HSP90AA1: variants seen among roughly 807,000 people sequenced by gnomAD.
HSP90AA1 encodes heat shock protein HSP 90-alpha.
In HSP90AA1, 18 loss-of-function variants were observed where a neutral mutation model predicts 73.3. The ratio of observed to expected loss-of-function variants is 0.25; its 90% CI spans 0.17 to 0.36. The LOEUF (loss-of-function observed/expected upper bound fraction) is 0.36, where lower values mean the gene tolerates loss of function less well. Ranked by LOEUF, HSP90AA1 falls within the 10% of genes least tolerant of loss-of-function variation. HSP90AA1 has a pLI of 1.00. For synonymous variants in HSP90AA1, 477 were observed against 296.9 expected (o/e 1.61, Z -6.24); for missense variants, 704 against 874.2 (o/e 0.81, Z 2.45).
upstream of HSP90AA1, among the ~76,000 whole-genome samples, chr14:102,089,071 C>G (rs943154638): frequency 2.6e-5 from 4 of 152,148 alleles, no homozygotes; most frequent in Non-Finnish European, 5.9e-5. Context: ...CAGGCACCCA[C>G]CACTACGCCC....
intron 1 of HSP90AA1, among the ~76,000 whole-genome samples, chr14:102,136,411 A>G (rs2049995054): frequency 6.6e-6 from 1 of 151,232 alleles, no homozygotes; most frequent in East Asian, 2.0e-4. Context: ...TGCTAAAAAT[A>G]CAAAAAAATT....
chr14:102,095,596 G>A (rs924627401), intron 2 of HSP90AA1, among the ~76,000 whole-genome samples: 1 of 152,162 alleles, frequency 6.6e-6, no homozygotes, highest in Non-Finnish European at 1.5e-5. Flanking sequence ...CTTTGGGCAT[G>A]CTCCTGTCTC....
chr14:102,130,027 A>G (rs1205400469), intron 1 of HSP90AA1, among the ~76,000 whole-genome samples: 1 of 150,382 alleles, frequency 6.6e-6, no homozygotes, highest in African/African-American at 2.4e-5. Flanking sequence ...CTGAAGTGCA[A>G]TGGTGTGATC....
chr14:102,129,969 TTTTTG>T (rs1007382274), intron 1 of HSP90AA1, among the ~76,000 whole-genome samples: 3 of 152,020 alleles, frequency 2.0e-5, no homozygotes, highest in African/African-American at 7.2e-5. Flanking sequence ...TGAAATTTTT[TTTTTG>T]TTTTGTTTTG....
At chr14:102,099,207 C>T (rs898542096) in intron 2 of HSP90AA1, among the ~76,000 whole-genome samples, 7 of 152,240 alleles carry the variant, frequency 4.6e-5, no homozygotes, top group African/African-American at 1.7e-4. Context: ...CACTCCAAAG[C>T]ATACAGCATG....
upstream of HSP90AA1, among the ~76,000 whole-genome samples, chr14:102,091,773 T>C (rs755950823): frequency 2.6e-5 from 4 of 151,964 alleles, no homozygotes; most frequent in Non-Finnish European, 5.9e-5. Flanking sequence ...ACCACAGGCA[T>C]GTGCCACCAC....
Position 102,097,322 on chromosome 14 carries a change from T to TAA in HSP90AA1, c.366+4551_366+4552dup, listed in dbSNP as rs5811055. Among the ~76,000 whole-genome samples, 116 of 143,472 alleles carry TAA rather than the reference T, an allele frequency of 8.1e-4. 1 individual carries two copies. Among genetic ancestry groups the TAA allele is most frequent in the East Asian group, 1.4e-3 (7 of 4,954 alleles). 94.1% of individuals were successfully genotyped at this position (143,472 alleles called of 152,430 possible). The stretch of plus-strand genomic sequence containing the variant: ...TTTTAAAGAAGAAAGAATGGAGGGT[T>TAA]AAAAAAAAAAAAAAGGAAAATTTGA... On this transcript the variant is annotated intron_variant, in intron 2 of 11. Transcript: ENST00000334701.
chr14:102,105,860 AG>A (rs1314974905), intron 1 of HSP90AA1, among the ~76,000 whole-genome samples: 1 of 152,184 alleles, frequency 6.6e-6, no homozygotes, highest in Admixed American at 6.5e-5. Context: ...ACCTGAGGTC[AG>A]GAGTTCCAGA....
chr14:102,082,709 C>CT (rs2049127037), intron 9 of HSP90AA1: 1 of 518,232 alleles, frequency 1.9e-6, no homozygotes, highest in African/African-American at 1.9e-5. Context: ...CAACCTCCGC[C>CT]TCCTGGGTTC....
intron 1 of HSP90AA1, among the ~76,000 whole-genome samples, chr14:102,108,263 C>CAAAA (rs34157305): frequency 1.3e-5 from 1 of 79,868 alleles, no homozygotes. Flanking sequence ...ACCTTGTCTC[C>CAAAA]AAAAAAAAAA....
At chr14:102,135,873 G>C (rs10132684) in intron 1 of HSP90AA1, among the ~76,000 whole-genome samples, 8,083 of 152,330 alleles carry the variant, frequency 0.053, 640 homozygotes, top group African/African-American at 0.17. Flanking sequence ...ACGCAGCCCC[G>C]GTTCCCGCTC....
At chr14:102,087,948 T>TTC (rs1555362281), upstream of HSP90AA1, among the ~76,000 whole-genome samples, 947 of 117,908 alleles carry the variant, frequency 8.0e-3, 1 homozygote, top group African/African-American at 0.027. Flanking sequence ...TTTTTTTTTT[T>TTC]TTCTTTTTTT....
intron 1 of HSP90AA1, among the ~76,000 whole-genome samples, chr14:102,135,964 G>A (rs984115190): frequency 4.6e-5 from 7 of 152,226 alleles, no homozygotes; most frequent in African/African-American, 1.7e-4. Context: ...CTCCCACAGT[G>A]CAGTGGGGGG....
At chr14:102,086,590 AG>A (rs1464048932) in intron 1 of HSP90AA1, among the ~76,000 whole-genome samples, 2 of 151,850 alleles carry the variant, frequency 1.3e-5, no homozygotes, top group African/African-American at 4.8e-5. Flanking sequence ...AGGCCGCCGC[AG>A]GCCCGGGCCC....
chr14:102,108,683 C>G (rs1304524932), intron 1 of HSP90AA1, among the ~76,000 whole-genome samples: 1 of 151,614 alleles, frequency 6.6e-6, no homozygotes, highest in African/African-American at 2.4e-5. Context: ...TTACAGGTGC[C>G]TGCCACCACA....
chr14:102,092,777 G>A (rs993954867), intron 2 of HSP90AA1, among the ~76,000 whole-genome samples: 11 of 152,036 alleles, frequency 7.2e-5, no homozygotes, highest in African/African-American at 2.7e-4. Context: ...ATTTTTTTGA[G>A]ACAGGGTCTG....
intron 1 of HSP90AA1, among the ~76,000 whole-genome samples, chr14:102,105,545 G>C (rs1460943091): frequency 6.6e-6 from 1 of 152,190 alleles, no homozygotes; most frequent in Non-Finnish European, 1.5e-5. Flanking sequence ...GAATCAGCAT[G>C]GTAGGTGCTA....
intron 1 of HSP90AA1, among the ~76,000 whole-genome samples, chr14:102,135,521 G>C (rs2049978995): frequency 6.6e-6 from 1 of 152,286 alleles, no homozygotes; most frequent in African/African-American, 2.4e-5. Flanking sequence ...GCATTCCTCA[G>C]CCCTTGGGTG....
chr14:102,139,632 C>A, exon 1 of HSP90AA1: 1 of 644,484 alleles, frequency 1.6e-6, no homozygotes, highest in Non-Finnish European at 2.6e-6. Context: ...CTAGACCCCA[C>A]TAGCTGAAGC....
Sources: gnomAD v4.1 joint callset for allele counts (sites outside exome capture counted in the v4.1 genomes callset) on GRCh38, gnomAD v4.1.1 for gene constraint, MANE v1.5 for transcripts, NCBI Gene and HGNC (gene_info 2026-07-23, HGNC 2026-07-21) for gene names.